Variants in DPYSL2 observed in about 807,000 individuals in gnomAD.
DPYSL2 encodes the protein dihydropyrimidinase-related protein 2.
A neutral mutation model predicts 69.9 loss-of-function variants in DPYSL2; 13 were observed. That is an observed-to-expected ratio of 0.19 (90% CI 0.12 to 0.30). The LOEUF (loss-of-function observed/expected upper bound fraction) is 0.30. Among genes scored for constraint, DPYSL2 ranks in the 10% least tolerant of loss-of-function variants. The pLI is 1.00. For synonymous variants in DPYSL2, 326 were observed against 359.1 expected (o/e 0.91, Z 1.04); for missense variants, 587 against 918.9 (o/e 0.64, Z 4.67).
At chr8:26,570,254 C>T (rs1455697687) in intron 1 of DPYSL2, among the ~76,000 whole-genome samples, 3 of 151,892 alleles carry the variant, frequency 2.0e-5, no homozygotes, top group Non-Finnish European at 2.9e-5. Context: ...GCCAGAGCCA[C>T]TGAGTGAAAC....
chr8:26,645,274 C>T (rs1803137022), intron 10 of DPYSL2, among the ~76,000 whole-genome samples: 1 of 152,062 alleles, frequency 6.6e-6, no homozygotes, highest in African/African-American at 2.4e-5. Context: ...TGGCAGGTGC[C>T]TGTAGTCCCA....
chr8:26,652,154 A>G lies in DPYSL2; in HGVS notation c.1597-103A>G. On this transcript the variant is annotated intron_variant, in intron 11 of 13. Coordinates refer to ENST00000521913, the MANE Select transcript of DPYSL2 (RefSeq NM_001197293.3). The surrounding 1 kb of genome is among the most constrained non-coding windows in gnomAD (Gnocchi z 6.3). ...AGTTGGGACAGGATCCCTGTCTCTG[A>G]GTCTCTCTTTTGTCTCTGTGGGGTT... 1 of 1,136,978 alleles carries G rather than the reference A, an allele frequency of 8.8e-7. No individual in the cohort carries two copies. The highest frequency in any genetic ancestry group is 1.9e-5 in the South Asian group (1 of 52,266). 70.4% of individuals were successfully genotyped at this position (1,136,978 alleles called of 1,614,324 possible). A position where few individuals can be genotyped will look rare whatever the true frequency, so the allele number is the denominator to read the frequency against.
In DPYSL2 at chr8:26,577,131, G is replaced by A. The variant is rs184408231; in HGVS notation, c.355-4838G>A. 1.2e-4 allele frequency: 55 copies of A among 444,722 alleles called. No homozygotes were observed. The East Asian group carries it at 3.0e-3, about 24-fold the overall frequency. The allele number at this position is 444,722 out of a possible 1,614,324, so 27.5% of individuals were successfully genotyped here. ...TCCCCGGATGCCTCCTTCCCGGCTCGGAGTTGGAAGGGTTTCCTCAGGGCT... is the reference window on the plus strand; with the variant it reads ...TCCCCGGATGCCTCCTTCCCGGCTCAGAGTTGGAAGGGTTTCCTCAGGGCT... On this transcript the variant is annotated intron_variant, in intron 1 of 13. Coordinates refer to ENST00000521913, the MANE Select transcript of DPYSL2 (RefSeq NM_001197293.3).
At position 26,643,741 on chromosome 8, in the gene DPYSL2, A is replaced by G; in HGVS notation, c.1283+146A>G. ...CAAACTAGGTTGGCTACATGAGTAC[A>G]GGGAATTGTCATTCTAGCACCATTT... On this transcript the variant is annotated intron_variant, in intron 9 of 13. Coordinates refer to ENST00000521913, the MANE Select transcript of DPYSL2 (RefSeq NM_001197293.3). The surrounding 1 kb of genome is among the most constrained non-coding windows in gnomAD (Gnocchi z 6.5). 7.7e-7 allele frequency: 1 copy of G among 1,295,704 alleles called. No homozygotes were observed. Among genetic ancestry groups the G allele is most frequent in the Non-Finnish European group, 1.1e-6 (1 of 932,464 alleles). The allele number at this position is 1,295,704 out of a possible 1,614,324, so 80.3% of individuals were successfully genotyped here.
At chr8:26,616,395 A>G (rs371533800) in intron 3 of DPYSL2, among the ~76,000 whole-genome samples, 1 of 152,170 alleles carries the variant, frequency 6.6e-6, no homozygotes, top group African/African-American at 2.4e-5. Context: ...TGCAGGGTAG[A>G]TGCCAGCTCG....
At chr8:26,529,264 CT>C (rs1200855600) in intron 1 of DPYSL2, among the ~76,000 whole-genome samples, 8 of 148,778 alleles carry the variant, frequency 5.4e-5, no homozygotes, top group South Asian at 4.3e-4. Context: ...ATCTATCTAT[CT>C]ATCTATCTAT....
chr8:26,514,744 T>A lies in DPYSL2; in HGVS notation c.354+65T>A. ...GCGGGGATCGCCCCTCCCTCGCCCC[T>A]GAGCCCGGCGCGCCCGCCTTCATGC... On this transcript the variant is annotated intron_variant, in intron 1 of 13. Coordinates refer to ENST00000521913, the MANE Select transcript of DPYSL2 (RefSeq NM_001197293.3). The surrounding 1 kb of genome is among the most constrained non-coding windows in gnomAD (Gnocchi z 8.4). 1 of 1,307,644 alleles carries A rather than the reference T, an allele frequency of 7.6e-7. No homozygotes were observed. Among genetic ancestry groups the A allele is most frequent in the Non-Finnish European group, 9.9e-7 (1 of 1,013,070 alleles). 81.0% of individuals were successfully genotyped at this position (1,307,644 alleles called of 1,614,324 possible). A position where few individuals can be genotyped will look rare whatever the true frequency, so the allele number is the denominator to read the frequency against.
chr8:26,610,808 T>C lies in DPYSL2; in HGVS notation c.629-13335T>C, dbSNP rs1802207020. On this transcript the variant is annotated intron_variant, in intron 3 of 13. Transcript: ENST00000521913. This position sits in a 1 kb window ranked among gnomAD's most constrained non-coding sequence, Gnocchi z 4.5. ...GCACCCCTAAAGTATGTTTTTACTA[T>C]TTAACACACGATTTTGTAGGCCCTA... Among the ~76,000 whole-genome samples, 1 of 152,246 alleles carries C rather than the reference T, an allele frequency of 6.6e-6. No individual in the cohort carries two copies. The highest frequency in any genetic ancestry group is 2.4e-5 in the African/African-American group (1 of 41,462).
In DPYSL2 at chr8:26,643,329, A is replaced by C. The variant is rs956913404; in HGVS notation, c.1127-110A>C. On this transcript the variant is annotated intron_variant, in intron 8 of 13. Transcript: ENST00000521913. This position sits in a 1 kb window ranked among gnomAD's most constrained non-coding sequence, Gnocchi z 6.5. ...GAGATGAGCCTGATATTTCCTATAA[A>C]GGGATAGTGAGTGCACTGGGTGCTG... 2 of 1,164,682 alleles carry C rather than the reference A, an allele frequency of 1.7e-6. No homozygotes were observed. Among genetic ancestry groups the C allele is most frequent in the African/African-American group, 3.2e-5 (2 of 63,478 alleles). The allele number at this position is 1,164,682 out of a possible 1,614,324, so 72.1% of individuals were successfully genotyped here. A position where few individuals can be genotyped will look rare whatever the true frequency, so the allele number is the denominator to read the frequency against.
chr8:26,616,769 A>G (rs79990386), intron 3 of DPYSL2, among the ~76,000 whole-genome samples: 8,863 of 152,136 alleles, frequency 0.058, 271 homozygotes, highest in East Asian at 0.09. Context: ...TGTAACCTTG[A>G]GGTGGGATTG....
At chr8:26,590,975 ACT>A (rs1801712514) in intron 3 of DPYSL2, among the ~76,000 whole-genome samples, 1 of 151,964 alleles carries the variant, frequency 6.6e-6, no homozygotes, top group East Asian at 1.9e-4. Context: ...GGGTGTCTAG[ACT>A]CTGTTTCGTG....
At chr8:26,575,816 AAT>A (rs1407227029) in intron 1 of DPYSL2, among the ~76,000 whole-genome samples, 2 of 152,310 alleles carry the variant, frequency 1.3e-5, no homozygotes, top group East Asian at 3.9e-4. Flanking sequence ...CTTTGTTTTA[AAT>A]TAATTTGAGT....
At position 26,647,626 on chromosome 8, in the gene DPYSL2, T is replaced by G. The variant is rs755326769; in HGVS notation, c.1426-4T>G. ...CCTGTGCACACCTATGCTGTCTCCC[T>G]CAGGTCACTGGGAAGATGGATGAGA... On this transcript the variant is annotated splice_polypyrimidine_tract_variant and splice_region_variant and intron_variant, in intron 10 of 13. Transcript: ENST00000521913. This position sits in a 1 kb window ranked among gnomAD's most constrained non-coding sequence, Gnocchi z 5.1. 1 of 1,611,032 alleles carries G rather than the reference T, an allele frequency of 6.2e-7. No individual in the cohort carries two copies. The highest frequency in any genetic ancestry group is 8.5e-7 in the Non-Finnish European group (1 of 1,178,618).
At position 26,648,270 on chromosome 8, in the gene DPYSL2, A is replaced by G. The variant is rs1215582360; in HGVS notation, c.1596+470A>G. Reference sequence around the variant, plus strand: ...AGAAAACTGGATGACAGCCATTCTTATTATCTTAAAGGAATTGATTGACTG... The same window carrying G: ...AGAAAACTGGATGACAGCCATTCTTGTTATCTTAAAGGAATTGATTGACTG... On this transcript the variant is annotated intron_variant, in intron 11 of 13. Transcript: ENST00000521913. This position sits in a 1 kb window ranked among gnomAD's most constrained non-coding sequence, Gnocchi z 4.3. Among the ~76,000 whole-genome samples, 1 of 152,094 alleles carries G rather than the reference A, an allele frequency of 6.6e-6. No individual in the cohort carries two copies. The highest frequency in any genetic ancestry group is 2.4e-5 in the African/African-American group (1 of 41,406).
rs1803302356 is a variant in DPYSL2 at position 26,652,713 on chromosome 8, A to T, written c.1776+277A>T. Among the ~76,000 whole-genome samples the T allele has an allele frequency of 6.6e-6, 1 of 152,030 alleles. No homozygotes were observed. Among genetic ancestry groups the T allele is most frequent in the Non-Finnish European group, 1.5e-5 (1 of 68,006 alleles). On this transcript the variant is annotated intron_variant, in intron 12 of 13. Transcript: ENST00000521913. The surrounding 1 kb of genome is among the most constrained non-coding windows in gnomAD (Gnocchi z 6.3). ...GAGGGAGCCACTGCTGTAGTTGGGG[A>T]GAGTGTCATGGGGAGAGGACATTTT...
At chr8:26,612,028 T>A (rs1239741720) in intron 3 of DPYSL2, among the ~76,000 whole-genome samples, 1 of 152,234 alleles carries the variant, frequency 6.6e-6, no homozygotes, top group Non-Finnish European at 1.5e-5. Flanking sequence ...CATTTAATCA[T>A]GTGGTTGTAA....
chr8:26,514,798 G>A lies in DPYSL2; in HGVS notation c.354+119G>A. ...GCCCTGGACCTCGCCTCCCGCATCT[G>A]CACGCGCACCCCGCCCTACCCGCCC... is the stretch of plus-strand genomic sequence containing the variant. On this transcript the variant is annotated intron_variant, in intron 1 of 13. Coordinates refer to ENST00000521913, the MANE Select transcript of DPYSL2 (RefSeq NM_001197293.3). The surrounding 1 kb of genome is among the most constrained non-coding windows in gnomAD (Gnocchi z 8.4). 1 of 921,012 alleles carries A rather than the reference G, an allele frequency of 1.1e-6. No individual in the cohort carries two copies. The highest frequency in any genetic ancestry group is 1.5e-6 in the Non-Finnish European group (1 of 668,050). 57.1% of individuals were successfully genotyped at this position (921,012 alleles called of 1,614,324 possible).
rs1463388388 is a variant in DPYSL2, at chr8:26,514,376, T to C, written c.51T>C (p.Pro17=). ...AGGCGGCAGAGGACGAAGAGGTCCC[T>C]GCTTTTTTTAAAAACCTGGGCTCCG... The part of the protein sequence containing the change: ...SGKAAEDEEV[P]AFFKNLGSGS... Residue 17 remains proline, a synonymous_variant, in exon 1 of 14, where the codon CCT becomes CCC. Transcript: ENST00000521913. This position sits in a 1 kb window ranked among gnomAD's most constrained non-coding sequence, Gnocchi z 8.4. 2 of 1,515,052 alleles carry C rather than the reference T, an allele frequency of 1.3e-6. No homozygotes were observed. The highest frequency in any genetic ancestry group is 2.1e-5 in the Admixed American group (1 of 47,230). The allele number at this position is 1,515,052 out of a possible 1,614,324, so 93.9% of individuals were successfully genotyped here.
chr8:26,552,526 T>C (rs1182452711), intron 1 of DPYSL2, among the ~76,000 whole-genome samples: 1 of 152,134 alleles, frequency 6.6e-6, no homozygotes, highest in Non-Finnish European at 1.5e-5. Context: ...TGAGACTGGG[T>C]AATTTATAAA....
Sources: allele counts gnomAD v4.1 joint callset (sites outside exome capture counted in the v4.1 genomes callset), GRCh38; gene constraint gnomAD v4.1.1; non-coding constraint Gnocchi (gnomAD v3.1); transcripts MANE v1.5; gene names NCBI Gene and HGNC (gene_info 2026-07-23, HGNC 2026-07-21).